ERI3: variants seen among roughly 807,000 people sequenced by gnomAD.
ERI3 encodes ERI1 exoribonuclease family member 3.
A neutral mutation model predicts 44.4 loss-of-function variants in ERI3; 18 were observed. That is an observed-to-expected ratio of 0.41 (90% CI 0.28 to 0.60). ERI3 has a LOEUF of 0.60. Ranked by LOEUF, ERI3 falls within the 20% of genes least tolerant of loss-of-function variation. ERI3 has a pLI of 0.36. For missense variants in ERI3, 294 were observed against 435.5 expected, an observed-to-expected ratio of 0.68 and a Z score of 2.89; for synonymous variants, 183 against 164.8, an observed-to-expected ratio of 1.11 and a Z score of -0.84.
At chr1:44,284,997 GACAA>G in intron 6 of ERI3, 90 bp from the exon 7 acceptor site, 2 of 1,099,558 alleles carry the variant, frequency 1.8e-6, no homozygotes, top group Non-Finnish European at 2.8e-6. Context: ...GAGCATACAA[GACAA>G]ACAGACCTCA....
At chr1:44,310,908 T>C (rs1394107185) in intron 5 of ERI3, among the ~76,000 whole-genome samples, 5 of 150,842 alleles carry the variant, frequency 3.3e-5, no homozygotes, top group Admixed American at 2.6e-4. Flanking sequence ...CACTGCTAAA[T>C]GGTCTCTCTC....
intron 3 of ERI3, among the ~76,000 whole-genome samples, chr1:44,331,617 T>G (rs1368951445): frequency 6.6e-6 from 1 of 152,210 alleles, no homozygotes; most frequent in Non-Finnish European, 1.5e-5. Flanking sequence ...AGCGTAAAAC[T>G]GATATAGATA....
intron 2 of ERI3, among the ~76,000 whole-genome samples, chr1:44,350,612 G>A (rs1404013000): frequency 1.3e-5 from 2 of 151,926 alleles, no homozygotes; most frequent in East Asian, 3.9e-4. Flanking sequence ...TTTCCAGTCT[G>A]TAAAATAGAA....
At chr1:44,317,492 T>C (rs1466717098) in intron 4 of ERI3, among the ~76,000 whole-genome samples, 6 of 150,122 alleles carry the variant, frequency 4.0e-5, no homozygotes, top group African/African-American at 1.5e-4. Context: ...CAGTTGTTTT[T>C]GGGAGAGACA....
chr1:44,257,498 A>C (rs1644805305), intron 7 of ERI3, among the ~76,000 whole-genome samples: 2 of 152,194 alleles, frequency 1.3e-5, no homozygotes, highest in Admixed American at 1.3e-4. Context: ...CTCAGGAAAG[A>C]AGCCTGGGGG....
intron 4 of ERI3, among the ~76,000 whole-genome samples, chr1:44,318,983 C>T (rs544371217): frequency 1.3e-5 from 2 of 152,214 alleles, no homozygotes; most frequent in Non-Finnish European, 2.9e-5. Flanking sequence ...CTGCCAATGG[C>T]TCTTTTGAGC....
intron 6 of ERI3, among the ~76,000 whole-genome samples, chr1:44,296,921 A>T (rs1645623344): frequency 6.6e-6 from 1 of 152,138 alleles, no homozygotes; most frequent in South Asian, 2.1e-4. Flanking sequence ...CTCAGCCCCC[A>T]CATGCACCGC....
chr1:44,232,933 A>G (rs897994639), intron 8 of ERI3, among the ~76,000 whole-genome samples: 8 of 152,210 alleles, frequency 5.3e-5, no homozygotes, highest in African/African-American at 1.7e-4. Context: ...CGTAACTGAC[A>G]TGTCTGCCTT....
intron 4 of ERI3, among the ~76,000 whole-genome samples, chr1:44,317,054 T>G (rs1344213836): frequency 6.6e-6 from 1 of 152,202 alleles, no homozygotes; most frequent in Non-Finnish European, 1.5e-5. Context: ...TTGTTCAAAC[T>G]GGAATCCTTC....
At chr1:44,273,860 A>T (rs1452694096) in intron 7 of ERI3, among the ~76,000 whole-genome samples, 3 of 152,202 alleles carry the variant, frequency 2.0e-5, no homozygotes, top group African/African-American at 4.8e-5. Context: ...GGGAGGTGAG[A>T]CAGTCATGTA....
intron 2 of ERI3, among the ~76,000 whole-genome samples, chr1:44,351,095 G>T (rs1646881236): frequency 6.6e-6 from 1 of 150,672 alleles, no homozygotes; most frequent in Non-Finnish European, 1.5e-5. Context: ...GTGCAGTGGT[G>T]CCATCTCAGC....
chr1:44,304,273 T>C (rs570979030), intron 6 of ERI3, among the ~76,000 whole-genome samples: 1 of 152,156 alleles, frequency 6.6e-6, no homozygotes, highest in South Asian at 2.1e-4. Flanking sequence ...GTTGAAGCTA[T>C]GGCAAAGACG....
At chr1:44,299,385 G>T (rs1050723508) in intron 6 of ERI3, among the ~76,000 whole-genome samples, 1 of 151,868 alleles carries the variant, frequency 6.6e-6, no homozygotes, top group Admixed American at 6.6e-5. Flanking sequence ...TAGAGACAGG[G>T]CCCTGCTACC....
chr1:44,342,474 T>C (rs907478322), intron 2 of ERI3, among the ~76,000 whole-genome samples: 1 of 151,952 alleles, frequency 6.6e-6, no homozygotes, highest in Non-Finnish European at 1.5e-5. Flanking sequence ...TGGATTGGAA[T>C]TGGCAGGAAG....
chr1:44,319,220 C>T (rs957278305), intron 4 of ERI3, among the ~76,000 whole-genome samples: 12 of 152,260 alleles, frequency 7.9e-5, no homozygotes, highest in African/African-American at 2.9e-4. Flanking sequence ...GACCACTTTA[C>T]AGGAGGACAG....
At chr1:44,300,094 T>C (rs1645692283) in intron 6 of ERI3, among the ~76,000 whole-genome samples, 2 of 152,106 alleles carry the variant, frequency 1.3e-5, no homozygotes, top group African/African-American at 4.8e-5. Flanking sequence ...TCATATCAAA[T>C]CCAGGGCCAG....
intron 7 of ERI3, among the ~76,000 whole-genome samples, chr1:44,255,728 A>G (rs1324029043): frequency 6.6e-6 from 1 of 152,154 alleles, no homozygotes; most frequent in Non-Finnish European, 1.5e-5. Context: ...GGGCTCCCAA[A>G]TTGCAGTGAA....
chr1:44,293,898 TG>T (rs1488107806), intron 6 of ERI3, among the ~76,000 whole-genome samples: 1 of 152,096 alleles, frequency 6.6e-6, no homozygotes, highest in African/African-American at 2.4e-5. Flanking sequence ...ACGGCTGCCA[TG>T]TAACACTGGG....
In ERI3 at chr1:44,354,993, G is replaced by GC; in HGVS notation, c.33dup (p.Arg12AlafsTer141). On this transcript the variant is annotated frameshift_variant, in exon 1 of 9. Transcript: ENST00000372257. LOFTEE classifies it high-confidence loss of function. ...AGCCCTCCTTCCCAGGGCCGCCCCC[G>GC]CCCCCCGTCAGCAGCGGGAGAGGCT... 4 of 1,372,562 alleles carry GC rather than the reference G, an allele frequency of 2.9e-6. No individual in the cohort carries two copies. Among genetic ancestry groups the GC allele is most frequent in the Non-Finnish European group, 3.8e-6 (4 of 1,057,676 alleles). 85.0% of individuals were successfully genotyped at this position (1,372,562 alleles called of 1,614,324 possible).
Sources: gnomAD v4.1 joint callset for allele counts (sites outside exome capture counted in the v4.1 genomes callset) on GRCh38, gnomAD v4.1.1 for gene constraint, MANE v1.5 for transcripts, NCBI Gene and HGNC (gene_info 2026-07-23, HGNC 2026-07-21) for gene names.